Variants in UNC5D observed in about 807,000 individuals in gnomAD.
The protein encoded by UNC5D is unc-5 netrin receptor D, also known as netrin receptor UNC5D.
UNC5D carries 39 observed loss-of-function variants against 105.4 expected under a neutral mutation model. The ratio of observed to expected loss-of-function variants is 0.37; its 90% confidence interval spans 0.29 to 0.48. The LOEUF is 0.48. Ranked by LOEUF, UNC5D falls within the 20% of genes least tolerant of loss-of-function variation. The pLI, the probability that UNC5D is intolerant of heterozygous loss-of-function variation, is 0.98. For missense variants in UNC5D, 991 were observed against 1,202.4 expected (o/e 0.82, Z 2.60); for synonymous variants, 452 against 450.4 (o/e 1.00, Z -0.04).
At chr8:35,770,010 T>C (rs1182961640) in intron 15 of UNC5D, among the ~76,000 whole-genome samples, 1 of 152,026 alleles carries the variant, frequency 6.6e-6, no homozygotes, top group Non-Finnish European at 1.5e-5. Context: ...AATTTTTTGG[T>C]AAATGGTTCC....
At chr8:35,467,043 G>A (rs1405320251) in intron 1 of UNC5D, among the ~76,000 whole-genome samples, 5 of 152,180 alleles carry the variant, frequency 3.3e-5, no homozygotes, top group African/African-American at 1.2e-4. Flanking sequence ...TTGACAAGGG[G>A]TGAAATTCCA....
At chr8:35,360,036 T>G (rs1801775819) in intron 1 of UNC5D, among the ~76,000 whole-genome samples, 1 of 152,150 alleles carries the variant, frequency 6.6e-6, no homozygotes, top group Middle Eastern at 3.2e-3. Flanking sequence ...GTTTCAGAGT[T>G]TCTTTTTTTT....
intron 15 of UNC5D, among the ~76,000 whole-genome samples, chr8:35,770,026 A>C (rs1291367689): frequency 1.3e-5 from 2 of 152,074 alleles, no homozygotes; most frequent in Non-Finnish European, 2.9e-5. Context: ...GTTCCAGCAA[A>C]AGTGAAGACG....
At chr8:35,271,564 ATATT>A (rs1257149690) in intron 1 of UNC5D, among the ~76,000 whole-genome samples, 1 of 145,534 alleles carries the variant, frequency 6.9e-6, no homozygotes, top group African/African-American at 2.5e-5. Context: ...ATGTATACCT[ATATT>A]TATACAGGCA....
intron 1 of UNC5D, among the ~76,000 whole-genome samples, chr8:35,375,147 GA>G (rs1802628239): frequency 6.6e-6 from 1 of 152,116 alleles, no homozygotes; most frequent in Non-Finnish European, 1.5e-5. Flanking sequence ...CCAGAGCGGG[GA>G]AAAAATATTT....
At chr8:35,428,346 A>ATTTTTTT (rs35131097) in intron 1 of UNC5D, among the ~76,000 whole-genome samples, 5 of 92,776 alleles carry the variant, frequency 5.4e-5, no homozygotes, top group African/African-American at 8.9e-5. Flanking sequence ...ATGCCTGGCT[A>ATTTTTTT]TTTTTTTTTT....
chr8:35,497,651 TG>T (rs1299217067), intron 1 of UNC5D, among the ~76,000 whole-genome samples: 1 of 140,568 alleles, frequency 7.1e-6, no homozygotes, highest in African/African-American at 2.8e-5. Context: ...GGAGCATGGA[TG>T]AAAAAAAAAA....
intron 1 of UNC5D, among the ~76,000 whole-genome samples, chr8:35,368,183 T>C (rs935475145): frequency 1.3e-5 from 2 of 152,226 alleles, no homozygotes; most frequent in Non-Finnish European, 2.9e-5. Flanking sequence ...TTGGTTAATT[T>C]GCTGTTTTTC....
intron 7 of UNC5D, among the ~76,000 whole-genome samples, chr8:35,701,681 C>T (rs1367902906): frequency 6.6e-6 from 1 of 152,028 alleles, no homozygotes; most frequent in Non-Finnish European, 1.5e-5. Context: ...GCAATAGCTG[C>T]CTTACAGTAC....
Position 35,499,140 on chromosome 8 carries a change from G to A in UNC5D, c.104-50152G>A, listed in dbSNP as rs527614909. 5.3e-5 allele frequency among the ~76,000 whole-genome samples: 8 copies of A among 152,168 alleles called. 1 individual carries two copies. In the South Asian group the frequency reaches 1.7e-3, roughly 32 times the overall value. On this transcript the variant is annotated intron_variant, in intron 1 of 16. Coordinates refer to ENST00000404895, the MANE Select transcript of UNC5D (RefSeq NM_080872.4). ...GATGAATAGCTTCAATAAATGAAAT[G>A]TTTCTCTAGCTAAGAATAAACACCA... is the stretch of plus-strand genomic sequence containing the variant.
At chr8:35,754,176 G>A (rs566606089) in intron 13 of UNC5D, among the ~76,000 whole-genome samples, 84 of 152,226 alleles carry the variant, frequency 5.5e-4, no homozygotes, top group African/African-American at 1.9e-3. Context: ...CTTCTGTAGC[G>A]TAAGCTGAAA....
At chr8:35,657,076 GTGTGTATATA>G (rs1196501499) in intron 4 of UNC5D, among the ~76,000 whole-genome samples, 252 of 94,272 alleles carry the variant, frequency 2.7e-3, no homozygotes, top group African/African-American at 0.01. Flanking sequence ...GTGTGTGTGT[GTGTGTATATA>G]TATATATATA....
intron 4 of UNC5D, among the ~76,000 whole-genome samples, chr8:35,638,452 C>CT (rs1209732398): frequency 4.0e-5 from 6 of 151,826 alleles, no homozygotes; most frequent in East Asian, 1.9e-4. Flanking sequence ...TTTATTATTA[C>CT]TTTTTTTATG....
chr8:35,751,426 A>T (rs1830278592), intron 13 of UNC5D, among the ~76,000 whole-genome samples: 1 of 152,214 alleles, frequency 6.6e-6, no homozygotes, highest in Admixed American at 6.5e-5. Flanking sequence ...TACAAAGGCA[A>T]TCTAGTCTCC....
chr8:35,671,101 C>T (rs1428414715), intron 4 of UNC5D, among the ~76,000 whole-genome samples: 1 of 152,084 alleles, frequency 6.6e-6, no homozygotes, highest in Non-Finnish European at 1.5e-5. Flanking sequence ...CCTTGCCCCA[C>T]CTCCACTAAG....
At chr8:35,692,874 A>T (rs1267120436) in intron 7 of UNC5D, among the ~76,000 whole-genome samples, 2 of 152,226 alleles carry the variant, frequency 1.3e-5, no homozygotes, top group Non-Finnish European at 2.9e-5. Flanking sequence ...GAAATACTCA[A>T]TAGCTTGCCT....
chr8:35,389,738 T>TAAAAAAAAAAAAAAAAA (rs5890808), intron 1 of UNC5D, among the ~76,000 whole-genome samples: 1 of 126,558 alleles, frequency 7.9e-6, no homozygotes, highest in Non-Finnish European at 1.7e-5. Flanking sequence ...CTGGCTGATT[T>TAAAAAAAAAAAAAAAAA]AAAAAAAAAA....
intron 1 of UNC5D, among the ~76,000 whole-genome samples, chr8:35,430,354 T>A (rs902734031): frequency 6.6e-6 from 1 of 152,162 alleles, no homozygotes; most frequent in African/African-American, 2.4e-5. Flanking sequence ...CTCCACACCC[T>A]TTTCCCATGC....
intron 4 of UNC5D, among the ~76,000 whole-genome samples, chr8:35,657,081 T>C (rs1167712013): frequency 7.1e-5 from 2 of 28,328 alleles, no homozygotes; most frequent in African/African-American, 1.3e-4. Flanking sequence ...TGTGTGTGTG[T>C]ATATATATAT....
Sources: gnomAD v4.1 joint callset for allele counts (sites outside exome capture counted in the v4.1 genomes callset) on GRCh38, gnomAD v4.1.1 for gene constraint, MANE v1.5 for transcripts, NCBI Gene and HGNC (gene_info 2026-07-23, HGNC 2026-07-21) for gene names.